Variants in CPED1 observed in about 807,000 individuals in gnomAD.
CPED1 encodes cadherin-like and PC-esterase domain-containing protein 1.
Under a neutral mutation model 128.2 loss-of-function variants are expected in CPED1, and 114 were observed. That is an observed-to-expected ratio of 0.89 (90% CI 0.76 to 1.04). The LOEUF (loss-of-function observed/expected upper bound fraction) is 1.04, where lower values mean the gene tolerates loss of function less well. Among genes scored for constraint, CPED1 ranks in the 50% least tolerant of loss-of-function variants. The probability of loss-of-function intolerance (pLI) is 0.00; values close to 1 mark genes in which losing one functional copy is unlikely to be tolerated. For synonymous variants in CPED1, 462 were observed against 426.7 expected, an observed-to-expected ratio of 1.08 and a Z score of -1.02; for missense variants, 1,211 against 1,207.1, an observed-to-expected ratio of 1.00 and a Z score of -0.05.
At chr7:121,084,792 A>T (rs1308330865) in intron 5 of CPED1, among the ~76,000 whole-genome samples, 1 of 152,214 alleles carries the variant, frequency 6.6e-6, no homozygotes. Context: ...ACAGGGGACA[A>T]TGTGTTGTTG....
intron 18 of CPED1, among the ~76,000 whole-genome samples, chr7:121,249,425 A>G (rs981501863): frequency 2.0e-5 from 3 of 152,180 alleles, no homozygotes; most frequent in African/African-American, 4.8e-5. Context: ...GCAGCTTGCT[A>G]GAGAGAAGGG....
Position 121,116,764 on chromosome 7 carries a change from G to A in CPED1, c.919-7567G>A, listed in dbSNP as rs1795244365. Among the ~76,000 whole-genome samples, 2 of 151,822 alleles carry A rather than the reference G, an allele frequency of 1.3e-5. 1 individual carries two copies. Among genetic ancestry groups the A allele is most frequent in the Non-Finnish European group, 2.9e-5 (2 of 67,966 alleles). ...GTTGCCCCCAGCTGTATAACCTTAG[G>A]CGTGTACCTTGCATTCTTAACCCCA... On this transcript the variant is annotated intron_variant, in intron 7 of 22. Coordinates refer to ENST00000310396, the MANE Select transcript of CPED1 (RefSeq NM_024913.5).
At chr7:121,249,094 G>T (rs558896014) in intron 18 of CPED1, among the ~76,000 whole-genome samples, 6 of 151,988 alleles carry the variant, frequency 3.9e-5, no homozygotes, top group African/African-American at 1.4e-4. Flanking sequence ...ACTCAAAAAC[G>T]GGTTCTTTGA....
chr7:121,225,869 G>T (rs937210865), intron 16 of CPED1, among the ~76,000 whole-genome samples: 1 of 151,990 alleles, frequency 6.6e-6, no homozygotes, highest in Admixed American at 6.6e-5. Flanking sequence ...ATTCTAGTTA[G>T]CCATTCGTCT....
chr7:121,155,835 A>G (rs1384721889), intron 16 of CPED1, among the ~76,000 whole-genome samples: 1 of 152,180 alleles, frequency 6.6e-6, no homozygotes. Context: ...CCAGACAACC[A>G]AAGCAAAATT....
At chr7:121,280,677 T>C (rs917016249) in intron 22 of CPED1, among the ~76,000 whole-genome samples, 1 of 152,212 alleles carries the variant, frequency 6.6e-6, no homozygotes, top group Admixed American at 6.5e-5. Flanking sequence ...ATTAAATATT[T>C]GGGGGCAAAG....
intron 16 of CPED1, among the ~76,000 whole-genome samples, chr7:121,232,475 C>T (rs1429417703): frequency 6.6e-6 from 1 of 152,082 alleles, no homozygotes; most frequent in African/African-American, 2.4e-5. Context: ...TGTTCGGGCT[C>T]AAGAGAACCA....
At chr7:121,280,894 A>G (rs1792448634) in intron 22 of CPED1, among the ~76,000 whole-genome samples, 1 of 152,190 alleles carries the variant, frequency 6.6e-6, no homozygotes, top group South Asian at 2.1e-4. Flanking sequence ...ACTACATCCA[A>G]CAAAAAGTAC....
intron 16 of CPED1, among the ~76,000 whole-genome samples, chr7:121,199,832 T>A (rs1797355709): frequency 6.6e-6 from 1 of 152,122 alleles, no homozygotes; most frequent in Non-Finnish European, 1.5e-5. Flanking sequence ...CCACATTTTT[T>A]AAAAAAGTAA....
chr7:121,013,577 G>T (rs1042118478), intron 2 of CPED1, among the ~76,000 whole-genome samples: 1 of 152,156 alleles, frequency 6.6e-6, no homozygotes, highest in African/African-American at 2.4e-5. Context: ...TAGCAGGCAT[G>T]GTCCTGAGCA....
chr7:121,280,579 A>G (rs549295174), intron 22 of CPED1, among the ~76,000 whole-genome samples: 3 of 152,326 alleles, frequency 2.0e-5, no homozygotes, highest in African/African-American at 7.2e-5. Flanking sequence ...AGAAAGTTTT[A>G]GTCTTGCCCC....
chr7:121,040,314 A>C (rs1793016751), intron 3 of CPED1, among the ~76,000 whole-genome samples: 1 of 152,136 alleles, frequency 6.6e-6, no homozygotes, highest in Admixed American at 6.5e-5. Flanking sequence ...CTAAGTGTCT[A>C]CTATAATCAG....
chr7:121,289,791 G>A (rs1285872724), intron 22 of CPED1, among the ~76,000 whole-genome samples: 1 of 151,974 alleles, frequency 6.6e-6, no homozygotes, highest in Non-Finnish European at 1.5e-5. Context: ...TTCATAATTT[G>A]TTATTCTTTT....
At chr7:121,107,917 G>C (rs1795016660) in intron 7 of CPED1, among the ~76,000 whole-genome samples, 1 of 152,064 alleles carries the variant, frequency 6.6e-6, no homozygotes, top group Non-Finnish European at 1.5e-5. Flanking sequence ...ACAGGCTTTT[G>C]CTCCCTTCAG....
chr7:121,144,672 A>G (rs550190374), intron 16 of CPED1, among the ~76,000 whole-genome samples: 14 of 152,036 alleles, frequency 9.2e-5, no homozygotes, highest in South Asian at 2.1e-4. Context: ...AACAACTAGA[A>G]GAGTGGAATT....
chr7:121,121,244 C>A (rs1795380794), intron 7 of CPED1, among the ~76,000 whole-genome samples: 1 of 152,148 alleles, frequency 6.6e-6, no homozygotes, highest in Non-Finnish European at 1.5e-5. Context: ...CTTTTAAGTG[C>A]ATTCTGTTGC....
rs1268520823 is a variant in CPED1, at chr7:121,042,019, A to G, written c.434-4868A>G. Among the ~76,000 whole-genome samples the G allele has an allele frequency of 2.0e-5, 3 of 152,126 alleles. No individual in the cohort carries two copies. The East Asian group carries it at 5.8e-4, about 29-fold the overall frequency. ...CTGAGATGGGGACTGGAGCATCCAC[A>G]TCCTGTTTTCCTAGAATTATGCCCT... On this transcript the variant is annotated intron_variant, in intron 3 of 22. Coordinates refer to ENST00000310396, the MANE Select transcript of CPED1 (RefSeq NM_024913.5).
At chr7:121,223,428 TG>T (rs1024684771) in intron 16 of CPED1, among the ~76,000 whole-genome samples, 2 of 152,196 alleles carry the variant, frequency 1.3e-5, no homozygotes, top group Non-Finnish European at 2.9e-5. Flanking sequence ...CTTTTTTTGT[TG>T]TGTCTCTGCC....
intron 7 of CPED1, among the ~76,000 whole-genome samples, chr7:121,104,594 C>G (rs980508417): frequency 6.6e-6 from 1 of 152,040 alleles, no homozygotes; most frequent in East Asian, 1.9e-4. Context: ...AAAGCTTGTC[C>G]AAAGCCTTAT....
Sources: gnomAD v4.1 joint callset for allele counts (sites outside exome capture counted in the v4.1 genomes callset) on GRCh38, gnomAD v4.1.1 for gene constraint, MANE v1.5 for transcripts, NCBI Gene and HGNC (gene_info 2026-07-23, HGNC 2026-07-21) for gene names.